The following TEK variants were observed in gnomAD, a reference collection of about 807,000 sequenced individuals.
TEK encodes angiopoietin-1 receptor.
In TEK, 43 loss-of-function variants were observed where a neutral mutation model predicts 131.8. The observed-to-expected ratio is 0.33, with a 90% CI of 0.26 to 0.42. The LOEUF is 0.42. Ranked by LOEUF, TEK falls within the 10% of genes least tolerant of loss-of-function variation. The pLI is 1.00. For missense variants in TEK, 1,162 were observed against 1,384.4 expected, an observed-to-expected ratio of 0.84 and a Z score of 2.55; for synonymous variants, 580 against 491.6, an observed-to-expected ratio of 1.18 and a Z score of -2.38.
At chr9:27,192,706 TGGTG>T in intron 11 of TEK, 83 bp downstream of exon 11, 4 of 269,594 alleles carry the variant, frequency 1.5e-5, no homozygotes, top group East Asian at 2.5e-4. Context: ...CCAGGAAGGG[TGGTG>T]GTGGGTGAGT....
intron 1 of TEK, among the ~76,000 whole-genome samples, chr9:27,135,414 G>T (rs1321891293): frequency 6.6e-6 from 1 of 151,954 alleles, no homozygotes; most frequent in Non-Finnish European, 1.5e-5. Flanking sequence ...TGACTGTTTT[G>T]CAGGGGAAAA....
At chr9:27,222,444 A>G (rs1826123688) in intron 21 of TEK, among the ~76,000 whole-genome samples, 1 of 152,220 alleles carries the variant, frequency 6.6e-6, no homozygotes, top group Admixed American at 6.5e-5. Context: ...GAAAGAAAAA[A>G]TGTTAAGGGC....
intron 1 of TEK, among the ~76,000 whole-genome samples, chr9:27,136,141 G>T (rs1822425237): frequency 6.8e-6 from 1 of 147,880 alleles, no homozygotes; most frequent in African/African-American, 2.5e-5. Context: ...GAGTGCAGTG[G>T]CACGATCTTG....
At chr9:27,157,095 T>C (rs1303705092) in intron 1 of TEK, among the ~76,000 whole-genome samples, 1 of 152,190 alleles carries the variant, frequency 6.6e-6, no homozygotes, top group African/African-American at 2.4e-5. Context: ...TTCATAAAAT[T>C]TAAAGTTTGG....
intron 21 of TEK, among the ~76,000 whole-genome samples, chr9:27,222,942 G>A (rs1273650128): frequency 6.6e-6 from 1 of 151,928 alleles, no homozygotes; most frequent in Non-Finnish European, 1.5e-5. Context: ...CAAGCAAATA[G>A]AAAGCAATAA....
chr9:27,150,401 G>T (rs1038302355), intron 1 of TEK, among the ~76,000 whole-genome samples: 18 of 152,144 alleles, frequency 1.2e-4, no homozygotes, highest in African/African-American at 4.1e-4. Flanking sequence ...GAGCCCAGAG[G>T]TTCGAGACCA....
At chr9:27,223,432 G>GCAAT (rs1826172302) in intron 21 of TEK, among the ~76,000 whole-genome samples, 1 of 152,158 alleles carries the variant, frequency 6.6e-6, no homozygotes, top group Non-Finnish European at 1.5e-5. Flanking sequence ...AGACCACAGT[G>GCAAT]CAATCAAAGT....
intron 1 of TEK, among the ~76,000 whole-genome samples, chr9:27,131,645 TAAAA>T: frequency 7.2e-6 from 1 of 138,198 alleles, no homozygotes; most frequent in Non-Finnish European, 1.6e-5. Context: ...CCCCGTCTCT[TAAAA>T]AAAAAAAAAA....
At chr9:27,219,055 G>A (rs557686789) in intron 20 of TEK, among the ~76,000 whole-genome samples, 6 of 106,974 alleles carry the variant, frequency 5.6e-5, no homozygotes, top group Non-Finnish European at 1.2e-4. Flanking sequence ...ATATTAATTG[G>A]CTCCGCTTGT....
rs567024830 is a variant in TEK at position 27,110,467 on chromosome 9, C to T, written c.52+825C>T. On this transcript the variant is annotated intron_variant, in intron 1 of 22. Transcript: ENST00000380036. The stretch of plus-strand genomic sequence containing the variant: ...TGTGACATAGGTAGAAGGCAGTATC[C>T]AAACCTGAACTACATATCACAAATA... 3.9e-5 allele frequency among the ~76,000 whole-genome samples: 6 copies of T among 152,262 alleles called. No homozygotes were observed. In the East Asian group the frequency reaches 1.2e-3, roughly 29 times the overall value.
intron 8 of TEK, among the ~76,000 whole-genome samples, chr9:27,184,112 A>G (rs1473191828): frequency 6.6e-6 from 1 of 152,136 alleles, no homozygotes; most frequent in Non-Finnish European, 1.5e-5. Context: ...AGAAGAGGAG[A>G]GTTCCCCAGT....
intron 21 of TEK, among the ~76,000 whole-genome samples, chr9:27,221,425 G>C (rs1826074016): frequency 1.3e-5 from 2 of 152,178 alleles, no homozygotes; most frequent in African/African-American, 2.4e-5. Flanking sequence ...GCTCTGCTAA[G>C]GGACAGACTG....
chr9:27,206,515 A>T, intron 14 of TEK, 67 bp from the exon 15 acceptor site: 1 of 1,514,228 alleles, frequency 6.6e-7, no homozygotes, highest in Non-Finnish European at 9.0e-7. Context: ...TGCCAACCAG[A>T]AGACATTATG....
intron 21 of TEK, among the ~76,000 whole-genome samples, chr9:27,226,291 T>G (rs867389670): frequency 2.0e-5 from 3 of 152,236 alleles, no homozygotes; most frequent in Non-Finnish European, 4.4e-5. Context: ...CGTATGTTTA[T>G]TGCAGCACTG....
intron 5 of TEK, 82 bp downstream of exon 5, chr9:27,172,829 A>G (rs1824008739): frequency 6.4e-7 from 1 of 1,573,820 alleles, no homozygotes; most frequent in East Asian, 2.3e-5. Context: ...CTCGACACAG[A>G]TGGGAATGGA....
At chr9:27,219,257 T>G (rs1048514764) in intron 20 of TEK, among the ~76,000 whole-genome samples, 10 of 152,214 alleles carry the variant, frequency 6.6e-5, no homozygotes, top group African/African-American at 2.4e-4. Context: ...TTATTCTTCA[T>G]GCTTTTTAAT....
In TEK at chr9:27,217,772, T is replaced by G; in HGVS notation, c.3062+14T>G. The G allele has an allele frequency of 3.2e-6, 5 of 1,559,534 alleles. No homozygotes were observed. Among genetic ancestry groups the G allele is most frequent in the Non-Finnish European group, 4.3e-6 (5 of 1,161,280 alleles). ...CAACAGTGATGTGTGAGTAAACTTC[T>G]TATTGCCAAGGGATTTTTTTTCCCT... On this transcript the variant is annotated intron_variant, in intron 19 of 22. Coordinates refer to ENST00000380036, the MANE Select transcript of TEK (RefSeq NM_000459.5).
chr9:27,126,454 T>C (rs73643144), intron 1 of TEK, among the ~76,000 whole-genome samples: 4,994 of 152,290 alleles, frequency 0.033, 276 homozygotes, highest in African/African-American at 0.11. Context: ...GGAATGTGTT[T>C]ATCCAGGGAC....
chr9:27,131,942 C>T (rs980781856), intron 1 of TEK, among the ~76,000 whole-genome samples: 6 of 151,942 alleles, frequency 3.9e-5, no homozygotes, highest in African/African-American at 7.3e-5. Context: ...CTAACCATTT[C>T]GTACTGTGTT....
Sources: allele counts gnomAD v4.1 joint callset (sites outside exome capture counted in the v4.1 genomes callset), GRCh38; gene constraint gnomAD v4.1.1; transcripts MANE v1.5; gene names NCBI Gene and HGNC (gene_info 2026-07-23, HGNC 2026-07-21).